The following PRH1 variants were observed in gnomAD, a reference collection of about 807,000 sequenced individuals.
The protein encoded by PRH1 is salivary acidic proline-rich phosphoprotein 1/2.
A neutral mutation model predicts 7.9 loss-of-function variants in PRH1; 7 were observed. That is an observed-to-expected ratio of 0.89 (90% CI 0.50 to 1.67). The LOEUF is 1.67. Among genes scored for constraint, PRH1 ranks in the 40% most tolerant of loss-of-function variants. The pLI is 0.00. For synonymous variants in PRH1, 45 were observed against 80.8 expected, an observed-to-expected ratio of 0.56 and a Z score of 2.38; for missense variants, 109 against 223.6, an observed-to-expected ratio of 0.49 and a Z score of 3.27.
intron 1 of PRH1, among the ~76,000 whole-genome samples, chr12:11,149,949 C>A (rs1482721627): frequency 7.6e-6 from 1 of 132,432 alleles, no homozygotes; most frequent in Non-Finnish European, 1.7e-5. Context: ...CCAGAATCTA[C>A]AATGAACTCA....
At chr12:10,981,412 C>T (rs1467866978) in intron 1 of PRH1, among the ~76,000 whole-genome samples, 4 of 135,110 alleles carry the variant, frequency 3.0e-5, no homozygotes, top group Non-Finnish European at 6.2e-5. Flanking sequence ...CTCGCTCTGT[C>T]GCCCAGGCTG....
intron 1 of PRH1, among the ~76,000 whole-genome samples, chr12:11,152,222 T>TTCC (rs1565708766): frequency 1.6e-5 from 2 of 122,544 alleles, no homozygotes; most frequent in African/African-American, 6.1e-5. Context: ...CCTAATGCTA[T>TTCC]CCCTCCCCCC....
intron 2 of PRH1, among the ~76,000 whole-genome samples, chr12:10,966,656 G>A (rs1408249611): frequency 6.6e-6 from 1 of 151,874 alleles, no homozygotes; most frequent in Non-Finnish European, 1.5e-5. Flanking sequence ...ATATCAATAT[G>A]TAATGTAGTG....
chr12:10,889,103 T>G (rs1368532464), upstream of PRH1, among the ~76,000 whole-genome samples: 1 of 152,220 alleles, frequency 6.6e-6, no homozygotes, highest in East Asian at 1.9e-4. Flanking sequence ...TTCTCTTATT[T>G]TTACTTCATT....
At position 11,097,826 on chromosome 12, in the gene PRH1, A is replaced by T. The variant is rs1284909563; in HGVS notation, n.124-50638T>A. 2.7e-5 allele frequency among the ~76,000 whole-genome samples: 3 copies of T among 112,996 alleles called. 1 individual carries two copies. The highest frequency in any genetic ancestry group is 8.8e-5 in the African/African-American group (3 of 34,068). The allele number at this position is 112,996 out of a possible 152,430, so 74.1% of individuals were successfully genotyped here. On this transcript the variant is annotated intron_variant and non_coding_transcript_variant, in intron 1 of 4. Coordinates refer to the PRH1 transcript ENST00000541977. The stretch of plus-strand genomic sequence containing the variant: ...GGCTTGTTTCTAAGTACTGGAGCTC[A>T]GCGTGATGAGAGAACACTATTATTC...
chr12:10,963,784 T>C (rs1938369792), intron 2 of PRH1, among the ~76,000 whole-genome samples: 1 of 152,240 alleles, frequency 6.6e-6, no homozygotes, highest in East Asian at 1.9e-4. Context: ...GGTAGACATA[T>C]ACAAAATGTA....
intron 1 of PRH1, among the ~76,000 whole-genome samples, chr12:11,138,593 A>T (rs1239942204): frequency 6.6e-6 from 1 of 152,220 alleles, no homozygotes; most frequent in African/African-American, 2.4e-5. Flanking sequence ...TGACTTTCTG[A>T]CACTGAAATG....
At chr12:10,925,048 T>C (rs913503467) in intron 2 of PRH1, among the ~76,000 whole-genome samples, 1 of 152,204 alleles carries the variant, frequency 6.6e-6, no homozygotes, top group Admixed American at 6.5e-5. Flanking sequence ...CTGCTAGCTT[T>C]TGAATGTGTT....
chr12:10,986,530 C>A, intron 1 of PRH1: 1 of 1,614,034 alleles, frequency 6.2e-7, no homozygotes, highest in Non-Finnish European at 8.5e-7. Context: ...GAGAAATTGG[C>A]AATCTTGAGC....
In PRH1 at chr12:10,986,246, A is replaced by T. The variant is rs753484113; in HGVS notation, c.-125-12525T>A. ...CTCCATGGAGCTGCATCTTCTTGAG[A>T]TGTTTACACAGAGAACAGATTAGCA... is the stretch of plus-strand genomic sequence containing the variant. On this transcript the variant is annotated intron_variant, in intron 1 of 3. Coordinates refer to the PRH1 transcript ENST00000539853. The T allele has an allele frequency of 3.7e-6, 6 of 1,614,138 alleles. No homozygotes were observed. The South Asian group carries it at 4.4e-5, about 12-fold the overall frequency.
At chr12:11,100,228 G>C (rs560822091) in intron 1 of PRH1, among the ~76,000 whole-genome samples, 8 of 152,180 alleles carry the variant, frequency 5.3e-5, no homozygotes, top group African/African-American at 1.7e-4. Context: ...CCCTTATAAA[G>C]GGCAAGAGAT....
chr12:11,069,370 G>A lies in PRH1; in HGVS notation n.124-22182C>T, dbSNP rs142208502. Among the ~76,000 whole-genome samples, 580 of 152,114 alleles carry A rather than the reference G, an allele frequency of 3.8e-3. 7 individuals are homozygous for A. The highest frequency in any genetic ancestry group is 0.013 in the African/African-American group (530 of 41,480). ...CTGATTTGGCTACATTGTCAGTAAG[G>A]AGAATACATGAGATCACCAACACAA... On this transcript the variant is annotated intron_variant and non_coding_transcript_variant, in intron 1 of 4. Coordinates refer to the PRH1 transcript ENST00000541977.
intron 1 of PRH1, among the ~76,000 whole-genome samples, chr12:11,081,634 G>C (rs938668642): frequency 5.2e-5 from 6 of 116,114 alleles, no homozygotes; most frequent in African/African-American, 1.7e-4. Flanking sequence ...TCTGCTAACA[G>C]GCAAACTCAA....
intron 2 of PRH1, among the ~76,000 whole-genome samples, chr12:10,962,515 C>A (rs1365235275): frequency 6.6e-6 from 1 of 152,166 alleles, no homozygotes; most frequent in Non-Finnish European, 1.5e-5. Flanking sequence ...TATGGAATAA[C>A]CACACTTTTA....
At chr12:10,900,344 C>A (rs1949705923) in intron 2 of PRH1, among the ~76,000 whole-genome samples, 1 of 152,160 alleles carries the variant, frequency 6.6e-6, no homozygotes, top group East Asian at 1.9e-4. Flanking sequence ...AGGTTCAGGC[C>A]TTTTCTCAGA....
At position 10,993,506 on chromosome 12, in the gene PRH1, T is replaced by C. The variant is rs150288974; in HGVS notation, c.-125-19785A>G. On this transcript the variant is annotated intron_variant, in intron 1 of 3. Coordinates refer to the PRH1 transcript ENST00000539853. Reference sequence around the variant, plus strand: ...AAGATTCAGTGACCTATAACATAGATGATGATTTTAGGGGTCCAGTGCTCC... The same window carrying C: ...AAGATTCAGTGACCTATAACATAGACGATGATTTTAGGGGTCCAGTGCTCC... 5.7e-3 allele frequency among the ~76,000 whole-genome samples: 870 copies of C among 152,284 alleles called. 13 individuals carry two copies. Among genetic ancestry groups the C allele is most frequent in the African/African-American group, 0.02 (831 of 41,556 alleles).
At chr12:10,993,712 C>T (rs142019672) in intron 1 of PRH1, among the ~76,000 whole-genome samples, 525 of 152,296 alleles carry the variant, frequency 3.4e-3, no homozygotes, top group Non-Finnish European at 5.9e-3. Flanking sequence ...GGCTACTGGT[C>T]TCAAGTGGAA....
chr12:11,091,825 C>T (rs1440389278), intron 1 of PRH1: 4 of 1,502,066 alleles, frequency 2.7e-6, no homozygotes, highest in Non-Finnish European at 2.8e-6. Context: ...ATAGCAAAGG[C>T]CCCAACAACA....
intron 2 of PRH1, among the ~76,000 whole-genome samples, chr12:10,963,434 A>C (rs898157278): frequency 2.6e-5 from 4 of 152,240 alleles, no homozygotes; most frequent in African/African-American, 4.8e-5. Flanking sequence ...TACTATTTTT[A>C]CATGGAGTAT....
Sources: gnomAD v4.1 joint callset for allele counts (sites outside exome capture counted in the v4.1 genomes callset) on GRCh38, gnomAD v4.1.1 for gene constraint, MANE v1.5 for transcripts, NCBI Gene and HGNC (gene_info 2026-07-23, HGNC 2026-07-21) for gene names.